The following WFS1 variants were observed in gnomAD, a reference collection of about 807,000 sequenced individuals.
WFS1 encodes the protein wolframin ER transmembrane glycoprotein, also known as wolframin.
A neutral mutation model predicts 68.5 loss-of-function variants in WFS1; 90 were observed. The ratio of observed to expected loss-of-function variants is 1.31; its 90% CI spans 1.11 to 1.56. The LOEUF (loss-of-function observed/expected upper bound fraction) is 1.56, where lower values mean the gene tolerates loss of function less well. WFS1 is among the 40% of genes most tolerant of loss of function. WFS1 has a pLI of 0.00. For synonymous variants in WFS1, 860 were observed against 540.7 expected (o/e 1.59, Z -8.19); for missense variants, 1,767 against 1,232.6 (o/e 1.43, Z -6.49).
chr4:6,292,774 T>C (rs1170904276), intron 6 of WFS1, among the ~76,000 whole-genome samples: 1 of 152,146 alleles, frequency 6.6e-6, no homozygotes, highest in Non-Finnish European at 1.5e-5. Context: ...CATTTTTCTT[T>C]CTGGGTGTCA....
At chr4:6,277,774 C>T in intron 2 of WFS1, 87 bp downstream of exon 2, 1 of 1,446,040 alleles carries the variant, frequency 6.9e-7, no homozygotes, top group Non-Finnish European at 9.4e-7. Flanking sequence ...GGAGGGTCCC[C>T]CCGCCAGGTC....
rs116263456 is a variant in WFS1 at position 6,288,747 on chromosome 4, C to T, written c.316-240C>T. The T allele has an allele frequency of 1.0e-3, 604 of 586,842 alleles. 3 individuals are homozygous for T. Among genetic ancestry groups the T allele is most frequent in the African/African-American group, 7.3e-3 (402 of 54,728 alleles). 36.4% of individuals were successfully genotyped at this position (586,842 alleles called of 1,614,324 possible). A position where few individuals can be genotyped will look rare whatever the true frequency, so the allele number is the denominator to read the frequency against. On this transcript the variant is annotated intron_variant, in intron 3 of 7. Transcript: ENST00000226760. Reference sequence around the variant, plus strand: ...ACCTGTACCAGTACCAGTCGGAGCCCGTGTCTCCCTCGCCGTGTGGATGGG... The same window carrying T: ...ACCTGTACCAGTACCAGTCGGAGCCTGTGTCTCCCTCGCCGTGTGGATGGG...
At chr4:6,293,244 C>T (rs975859125) in intron 6 of WFS1, among the ~76,000 whole-genome samples, 5 of 152,190 alleles carry the variant, frequency 3.3e-5, no homozygotes, top group African/African-American at 1.2e-4. Flanking sequence ...ATGAGCCGGG[C>T]ACACCTGCTG....
chr4:6,271,502 T>C (rs1303479972), intron 1 of WFS1, among the ~76,000 whole-genome samples: 1 of 152,192 alleles, frequency 6.6e-6, no homozygotes, highest in Admixed American at 6.5e-5. Context: ...CACCCATCCT[T>C]GACGGTGGCA....
Position 6,274,943 on chromosome 4 carries a change from T to C in WFS1, c.-5-2508T>C, listed in dbSNP as rs190788630. ...TCTGGTACCTGGAGCTGTTTGACCT[T>C]GAGCAGGTCCCTCCCCTCCCTGCAC... is the stretch of plus-strand genomic sequence containing the variant. On this transcript the variant is annotated intron_variant, in intron 1 of 7. Transcript: ENST00000226760. Among the ~76,000 whole-genome samples the C allele has an allele frequency of 1.2e-3, 188 of 152,268 alleles. 1 individual carries two copies. The highest frequency in any genetic ancestry group is 4.2e-3 in the African/African-American group (176 of 41,538).
At chr4:6,289,977 C>T (rs934522159) in intron 4 of WFS1, among the ~76,000 whole-genome samples, 2 of 152,226 alleles carry the variant, frequency 1.3e-5, no homozygotes, top group East Asian at 3.9e-4. Flanking sequence ...CTCACTCTGT[C>T]GCCCAGGCTA....
intron 7 of WFS1, among the ~76,000 whole-genome samples, chr4:6,296,088 T>TA (rs1730631568): frequency 6.6e-6 from 1 of 152,220 alleles, no homozygotes; most frequent in Admixed American, 6.5e-5. Context: ...GCCATCATTG[T>TA]ATTCAGATGG....
Position 6,301,289 on chromosome 4 carries a change from C to T in WFS1, c.1494C>T (p.Val498=), listed in dbSNP as rs778206175. The stretch of plus-strand genomic sequence containing the variant: ...CCGTGCCTGTCGGCCACCTGGTCGT[C>T]CTCAACGTCAGCGTCCCGTGCCTGC... ...FITVPVGHLV[V]LNVSVPCLLY... is the part of the protein sequence containing the mutation. The change falls in exon 8 of 8, where the codon GTC becomes GTT. Residue 498 remains valine (V), a synonymous_variant. Coordinates refer to ENST00000226760, the MANE Select transcript of WFS1 (RefSeq NM_006005.3). 1.7e-5 allele frequency: 27 copies of T among 1,611,438 alleles called. No homozygotes were observed. The African/African-American group carries it at 2.4e-4, about 14-fold the overall frequency.
At chr4:6,299,000 C>T (rs1730741143) in intron 7 of WFS1, among the ~76,000 whole-genome samples, 2 of 152,230 alleles carry the variant, frequency 1.3e-5, no homozygotes, top group Non-Finnish European at 1.5e-5. Context: ...CCATGTGGGG[C>T]CGCCCCCTAG....
intron 2 of WFS1, among the ~76,000 whole-genome samples, chr4:6,282,256 A>T (rs1339200301): frequency 1.3e-5 from 2 of 152,228 alleles, no homozygotes; most frequent in Middle Eastern, 3.2e-3. Context: ...GGCTGATGGG[A>T]TGCCTGTGGT....
At chr4:6,291,166 A>G in intron 4 of WFS1, 31 bp from the exon 5 acceptor site, 1 of 1,609,908 alleles carries the variant, frequency 6.2e-7, no homozygotes, top group Non-Finnish European at 8.5e-7. Flanking sequence ...GGCAGGGCAC[A>G]CAAGGCCTTT....
intron 2 of WFS1, among the ~76,000 whole-genome samples, chr4:6,285,311 G>A (rs1730283679): frequency 6.6e-6 from 1 of 150,924 alleles, no homozygotes; most frequent in South Asian, 2.1e-4. Flanking sequence ...CCTCTAGGGA[G>A]GGGTACATCC....
intron 1 of WFS1, among the ~76,000 whole-genome samples, chr4:6,270,697 G>A (rs1446159386): frequency 6.6e-6 from 1 of 152,194 alleles, no homozygotes; most frequent in Non-Finnish European, 1.5e-5. Flanking sequence ...AAAACTTTCT[G>A]GAGAATCCTA....
intron 2 of WFS1, among the ~76,000 whole-genome samples, chr4:6,285,245 G>A (rs1730281593): frequency 6.6e-6 from 1 of 151,644 alleles, no homozygotes; most frequent in African/African-American, 2.4e-5. Flanking sequence ...GGACATTCAG[G>A]GAGGAGTCTT....
chr4:6,274,816 G>C (rs1238963646), intron 1 of WFS1, among the ~76,000 whole-genome samples: 2 of 73,564 alleles, frequency 2.7e-5, no homozygotes, highest in Non-Finnish European at 5.6e-5. Context: ...GGCCCCGGGA[G>C]AGAGGGTGCA....
Position 6,277,828 on chromosome 4 carries a change from G to A in WFS1, c.232+141G>A, listed in dbSNP as rs554011750. ...TGCAGCTCCCATGCTGTGCACAGGC[G>A]TCCATCCAGTGGGGCTACCCACCTC... On this transcript the variant is annotated intron_variant, in intron 2 of 7. Coordinates refer to ENST00000226760, the MANE Select transcript of WFS1 (RefSeq NM_006005.3). 174 of 1,014,954 alleles carry A rather than the reference G, an allele frequency of 1.7e-4. 1 individual carries two copies. In the East Asian group the frequency reaches 3.7e-3, roughly 22 times the overall value. The allele number at this position is 1,014,954 out of a possible 1,614,324, so 62.9% of individuals were successfully genotyped here. A position where few individuals can be genotyped will look rare whatever the true frequency, so the allele number is the denominator to read the frequency against.
rs776513501 is a variant in WFS1, at chr4:6,301,355, G to C, written c.1560G>C (p.Gln520His). Residue 520 changes from glutamine to histidine, a missense_variant, in exon 8 of 8, where the codon CAG becomes CAC. Coordinates refer to ENST00000226760, the MANE Select transcript of WFS1 (RefSeq NM_006005.3). Reference protein sequence around the residue: ...YLLYLFFRMAQLRNFKGTYCY... With the variant: ...YLLYLFFRMAHLRNFKGTYCY... ...TCTATCTCTTCTTCCGCATGGCACA[G>C]CTGAGGAATTTCAAGGGCACCTACT... 2.5e-6 allele frequency: 4 copies of C among 1,612,440 alleles called. No individual in the cohort carries two copies. Among genetic ancestry groups the C allele is most frequent in the Admixed American group, 1.7e-5 (1 of 60,032 alleles).
In WFS1 at chr4:6,301,227, T is replaced by G. The variant is rs988243865; in HGVS notation, c.1432T>G (p.Trp478Gly). The G allele has an allele frequency of 1.2e-6, 2 of 1,611,910 alleles. No homozygotes were observed. The highest frequency in any genetic ancestry group is 8.5e-7 in the Non-Finnish European group (1 of 1,180,010). ...GCTGCTGCCCTCCATGCCCTTGAAT[T>G]GGCCCTACCTGAAGGTCCTTGGCCA... ...LSLLPSMPLN[W>G]PYLKVLGQTF... The change falls in exon 8 of 8, where the codon TGG becomes GGG. Residue 478 changes from tryptophan (W) to glycine (G), a missense_variant. Transcript: ENST00000226760.
At chr4:6,288,216 C>CA (rs5855906) in intron 3 of WFS1, among the ~76,000 whole-genome samples, 87,672 of 131,074 alleles carry the variant, frequency 0.67, 28,957 homozygotes, top group East Asian at 0.93. Context: ...GACTCTGTCT[C>CA]AAAAAAAAAA....
Sources: allele counts gnomAD v4.1 joint callset (sites outside exome capture counted in the v4.1 genomes callset), GRCh38; gene constraint gnomAD v4.1.1; transcripts MANE v1.5; gene names NCBI Gene and HGNC (gene_info 2026-07-23, HGNC 2026-07-21).